Variants in BTBD16 observed in about 807,000 individuals in gnomAD.
The protein encoded by BTBD16 is BTB/POZ domain-containing protein 16.
A neutral mutation model predicts 67.4 loss-of-function variants in BTBD16; 66 were observed. The ratio of observed to expected loss-of-function variants is 0.98; its 90% confidence interval spans 0.80 to 1.20. BTBD16 has a LOEUF of 1.20. BTBD16 is among the 50% of genes most tolerant of loss of function. The probability of loss-of-function intolerance (pLI) is 0.00; values close to 1 mark genes in which losing one functional copy is unlikely to be tolerated. For synonymous variants in BTBD16, 242 were observed against 236.4 expected (o/e 1.02, Z -0.22); for missense variants, 634 against 616.0 (o/e 1.03, Z -0.31).
At chr10:122,296,107 C>T (rs893652892) in intron 7 of BTBD16, among the ~76,000 whole-genome samples, 1 of 151,894 alleles carries the variant, frequency 6.6e-6, no homozygotes, top group South Asian at 2.1e-4. Context: ...CAGTGATATT[C>T]GATGCAAACT....
intron 14 of BTBD16, among the ~76,000 whole-genome samples, chr10:122,336,253 T>C (rs1000842557): frequency 3.9e-5 from 6 of 152,202 alleles, no homozygotes; most frequent in African/African-American, 1.4e-4. Context: ...AAGCTTGACT[T>C]GATGGTGTTT....
At chr10:122,281,285 G>T (rs949216040) in intron 3 of BTBD16, among the ~76,000 whole-genome samples, 4 of 152,210 alleles carry the variant, frequency 2.6e-5, no homozygotes, top group African/African-American at 9.7e-5. Context: ...TGTAGGTTTT[G>T]CAGAGTCTTT....
intron 10 of BTBD16, chr10:122,327,602 G>T (rs2133311349): frequency 1.0e-6 from 1 of 985,402 alleles, no homozygotes; most frequent in South Asian, 4.7e-5. Context: ...ATGATGAGAT[G>T]ACTCATGGCC....
intron 9 of BTBD16, among the ~76,000 whole-genome samples, chr10:122,302,226 T>C (rs1007813880): frequency 7.9e-5 from 12 of 152,214 alleles, no homozygotes; most frequent in Non-Finnish European, 7.3e-5. Flanking sequence ...GTAAACCACC[T>C]GGGGTAAAAT....
Position 122,338,098 on chromosome 10 carries a change from G to T in BTBD16, c.*13G>T. ...CCCAGCATCTTGACAGTTTCCAGAA[G>T]AATCTATGGGATTTTCCCCCCACTG... On this transcript the variant is annotated 3_prime_UTR_variant, in exon 16 of 16. Transcript: ENST00000260723. 1.3e-6 allele frequency: 2 copies of T among 1,570,058 alleles called. No homozygotes were observed. Among genetic ancestry groups the T allele is most frequent in the Non-Finnish European group, 1.8e-6 (2 of 1,140,482 alleles).
intron 5 of BTBD16, among the ~76,000 whole-genome samples, chr10:122,288,143 G>T (rs967073908): frequency 2.6e-5 from 4 of 152,140 alleles, no homozygotes; most frequent in African/African-American, 9.7e-5. Flanking sequence ...TGCTGGGAAA[G>T]CATGACAAAT....
At chr10:122,325,226 A>T (rs1292310723) in intron 10 of BTBD16, among the ~76,000 whole-genome samples, 2 of 152,244 alleles carry the variant, frequency 1.3e-5, no homozygotes, top group Non-Finnish European at 2.9e-5. Flanking sequence ...GGACCAGGTC[A>T]TTCATCCAAT....
chr10:122,281,752 A>G (rs1000408487), intron 3 of BTBD16, among the ~76,000 whole-genome samples: 14 of 152,246 alleles, frequency 9.2e-5, no homozygotes, highest in African/African-American at 3.4e-4. Flanking sequence ...CCCCAGGTCT[A>G]TGTAACTCTT....
chr10:122,302,580 C>A (rs2096396116), intron 9 of BTBD16, among the ~76,000 whole-genome samples: 1 of 152,198 alleles, frequency 6.6e-6, no homozygotes, highest in African/African-American at 2.4e-5. Context: ...CTATGCATGT[C>A]CTCCTTGTTG....
chr10:122,318,816 C>T (rs1353207535), intron 10 of BTBD16, among the ~76,000 whole-genome samples: 2 of 152,202 alleles, frequency 1.3e-5, no homozygotes, highest in African/African-American at 4.8e-5. Flanking sequence ...AAACTCCTGA[C>T]CTCAGGTGAT....
At chr10:122,326,900 C>T (rs141087615) in intron 10 of BTBD16, among the ~76,000 whole-genome samples, 23 of 152,314 alleles carry the variant, frequency 1.5e-4, no homozygotes, top group Admixed American at 6.5e-4. Context: ...ACCAGGGAAA[C>T]CATGCCAGTC....
chr10:122,329,616 G>A (rs373486344), intron 11 of BTBD16, 45 bp downstream of exon 11: 82 of 1,545,180 alleles, frequency 5.3e-5, no homozygotes, highest in Non-Finnish European at 6.4e-5. Context: ...AAGCTGCTGG[G>A]CACCTGCCCA....
intron 13 of BTBD16, among the ~76,000 whole-genome samples, chr10:122,334,134 G>A (rs763888748): frequency 7.3e-5 from 11 of 150,824 alleles, no homozygotes; most frequent in Non-Finnish European, 1.3e-4. Context: ...TTTCAAATCA[G>A]TTGCTGAATA....
At chr10:122,279,053 A>G (rs1310645686) in intron 3 of BTBD16, among the ~76,000 whole-genome samples, 2 of 152,226 alleles carry the variant, frequency 1.3e-5, no homozygotes, top group African/African-American at 4.8e-5. Context: ...AAGGGACAGA[A>G]AACACACTCC....
chr10:122,309,606 G>A (rs1479030596), intron 10 of BTBD16, among the ~76,000 whole-genome samples: 1 of 152,036 alleles, frequency 6.6e-6, no homozygotes, highest in African/African-American at 2.4e-5. Context: ...GCCTCCCAAA[G>A]TGCTGGCATT....
Position 122,290,410 on chromosome 10 carries a change from C to A in BTBD16, c.475+412C>A, listed in dbSNP as rs142592835. Among the ~76,000 whole-genome samples, 1,485 of 152,314 alleles carry A rather than the reference C, an allele frequency of 9.7e-3. 10 individuals are homozygous for A. The highest frequency in any genetic ancestry group is 0.015 in the Admixed American group (232 of 15,304). On this transcript the variant is annotated intron_variant, in intron 6 of 15. Coordinates refer to ENST00000260723, the MANE Select transcript of BTBD16 (RefSeq NM_144587.5). ...AAGGACCACCCCTTACCTCCCCCAA[C>A]TTGGGCTCACTCTCTCCCCATCCCC...
At chr10:122,288,725 G>T (rs1254367359) in intron 5 of BTBD16, among the ~76,000 whole-genome samples, 1 of 152,136 alleles carries the variant, frequency 6.6e-6, no homozygotes, top group East Asian at 1.9e-4. Flanking sequence ...GTTAGCAGGG[G>T]AGTGGGGTGC....
At chr10:122,281,911 G>A (rs973292920) in intron 3 of BTBD16, among the ~76,000 whole-genome samples, 1 of 152,152 alleles carries the variant, frequency 6.6e-6, no homozygotes, top group Non-Finnish European at 1.5e-5. Context: ...CTAACAGCAC[G>A]TTCCCAGCAT....
chr10:122,326,509 G>A (rs2096445023), intron 10 of BTBD16, among the ~76,000 whole-genome samples: 1 of 152,188 alleles, frequency 6.6e-6, no homozygotes, highest in Admixed American at 6.5e-5. Context: ...GCTAAAATCT[G>A]AAGTGCTTGG....
Sources: gnomAD v4.1 joint callset for allele counts (sites outside exome capture counted in the v4.1 genomes callset) on GRCh38, gnomAD v4.1.1 for gene constraint, MANE v1.5 for transcripts, NCBI Gene and HGNC (gene_info 2026-07-23, HGNC 2026-07-21) for gene names.